DCC: variants seen among roughly 807,000 people sequenced by gnomAD.
DCC encodes DCC netrin 1 receptor.
A neutral mutation model predicts 172.5 loss-of-function variants in DCC; 58 were observed. The observed-to-expected ratio is 0.34, with a 90% CI of 0.27 to 0.42. The LOEUF (loss-of-function observed/expected upper bound fraction) is 0.42, where lower values mean the gene tolerates loss of function less well. DCC is among the 10% of genes least tolerant of loss of function. The pLI is 1.00. For missense variants in DCC, 1,740 were observed against 1,791.0 expected (o/e 0.97, Z 0.51); for synonymous variants, 709 against 644.5 (o/e 1.10, Z -1.52).
intron 2 of DCC, 41 bp from the exon 3 acceptor site, chr18:52,906,003 T>G: frequency 1.5e-6 from 2 of 1,333,712 alleles, no homozygotes; most frequent in Non-Finnish European, 2.2e-6. Flanking sequence ...TATTGTGCTT[T>G]ATTTGGAAGA....
At chr18:52,483,170 G>T (rs758640892) in intron 1 of DCC, among the ~76,000 whole-genome samples, 5 of 151,982 alleles carry the variant, frequency 3.3e-5, no homozygotes, top group African/African-American at 4.8e-5. Flanking sequence ...CCTCTAATAA[G>T]GATGTGTGTC....
intron 7 of DCC, among the ~76,000 whole-genome samples, chr18:53,074,557 A>G (rs889452678): frequency 1.1e-4 from 17 of 152,212 alleles, no homozygotes; most frequent in African/African-American, 3.6e-4. Flanking sequence ...ACATTTATTC[A>G]ATAAATTGTA....
intron 5 of DCC, among the ~76,000 whole-genome samples, chr18:52,964,332 A>T (rs1305394067): frequency 1.3e-5 from 2 of 152,194 alleles, no homozygotes; most frequent in Admixed American, 1.3e-4. Flanking sequence ...TCTAAAGACT[A>T]ACTTTTCAAA....
chr18:52,439,180 G>A (rs1048462179), intron 1 of DCC, among the ~76,000 whole-genome samples: 9 of 150,634 alleles, frequency 6.0e-5, no homozygotes, highest in African/African-American at 2.2e-4. Flanking sequence ...TGTTTTGTGT[G>A]TGTGTGTGTG....
intron 2 of DCC, among the ~76,000 whole-genome samples, chr18:52,795,957 G>A (rs2037867447): frequency 6.6e-6 from 1 of 151,274 alleles, no homozygotes; most frequent in African/African-American, 2.4e-5. Context: ...AATAAAACTT[G>A]TCTTATTCTA....
At chr18:53,167,113 C>T (rs968421999) in intron 8 of DCC, among the ~76,000 whole-genome samples, 1 of 152,150 alleles carries the variant, frequency 6.6e-6, no homozygotes, top group South Asian at 2.1e-4. Flanking sequence ...CTCTTCCTCC[C>T]TGAAGCAACT....
chr18:53,466,629 G>A lies in DCC; in HGVS notation c.3620-1265G>A, dbSNP rs184263749. The stretch of plus-strand genomic sequence containing the variant: ...CAACCTCCGCCTCCTGGGTTCAAGC[G>A]ATTCTTCTGCCTCAGCCTCCCAAGT... On this transcript the variant is annotated intron_variant, in intron 24 of 28. Transcript: ENST00000442544. Among the ~76,000 whole-genome samples the A allele has an allele frequency of 2.9e-4, 44 of 152,170 alleles. No homozygotes were observed. In the East Asian group the frequency reaches 6.2e-3, roughly 21 times the overall value.
intron 8 of DCC, among the ~76,000 whole-genome samples, chr18:53,164,341 G>T (rs1476859337): frequency 1.3e-5 from 2 of 152,100 alleles, no homozygotes; most frequent in East Asian, 3.8e-4. Context: ...AAACTCCTGG[G>T]CTCAATGGAT....
At chr18:52,412,096 T>C (rs1476138165) in intron 1 of DCC, among the ~76,000 whole-genome samples, 2 of 152,180 alleles carry the variant, frequency 1.3e-5, no homozygotes, top group East Asian at 3.9e-4. Context: ...ATAGCACTTA[T>C]ACTGCAATGT....
chr18:53,245,196 G>A (rs2056351325), intron 12 of DCC, among the ~76,000 whole-genome samples: 1 of 152,042 alleles, frequency 6.6e-6, no homozygotes, highest in South Asian at 2.1e-4. Context: ...GTTATGATTT[G>A]TTCAAATCTT....
At chr18:52,879,278 A>G (rs967737307) in intron 2 of DCC, among the ~76,000 whole-genome samples, 1 of 152,138 alleles carries the variant, frequency 6.6e-6, no homozygotes, top group African/African-American at 2.4e-5. Context: ...GGCTGTGTCT[A>G]CATGAAACCT....
chr18:53,502,646 T>G (rs1390841459), intron 27 of DCC, among the ~76,000 whole-genome samples: 2 of 152,216 alleles, frequency 1.3e-5, no homozygotes, highest in Non-Finnish European at 2.9e-5. Flanking sequence ...ATAATTTTAC[T>G]GTGGATTTCA....
intron 15 of DCC, among the ~76,000 whole-genome samples, chr18:53,358,530 C>CTCTT (rs74180418): frequency 7.3e-5 from 7 of 95,924 alleles, no homozygotes; most frequent in Admixed American, 1.3e-4. Context: ...TTCTCTCTCT[C>CTCTT]TTTTTTTTTT....
intron 1 of DCC, among the ~76,000 whole-genome samples, chr18:52,480,974 T>G (rs1454394437): frequency 6.6e-6 from 1 of 152,168 alleles, no homozygotes; most frequent in African/African-American, 2.4e-5. Flanking sequence ...TTTCAAACAT[T>G]TCTTTCACCA....
intron 2 of DCC, among the ~76,000 whole-genome samples, chr18:52,799,579 A>T (rs1016335272): frequency 1.3e-5 from 2 of 152,210 alleles, no homozygotes; most frequent in Non-Finnish European, 2.9e-5. Context: ...AATTTCAGCA[A>T]TTGTACCCAA....
chr18:52,758,229 A>C (rs939380882), intron 2 of DCC, among the ~76,000 whole-genome samples: 1 of 152,220 alleles, frequency 6.6e-6, no homozygotes. Flanking sequence ...TTTTTAAAAT[A>C]AGCTCATAAA....
intron 15 of DCC, among the ~76,000 whole-genome samples, chr18:53,382,105 C>CACACACACACCCCT (rs1555661810): frequency 1.9e-5 from 1 of 51,774 alleles, no homozygotes; most frequent in African/African-American, 4.3e-5. Context: ...CACACACACA[C>CACACACACACCCCT]CCCTACCTCC....
At position 52,382,757 on chromosome 18, in the gene DCC, A is replaced by C. The variant is rs187826115; in HGVS notation, c.91+41879A>C. On this transcript the variant is annotated intron_variant, in intron 1 of 28. Coordinates refer to ENST00000442544, the MANE Select transcript of DCC (RefSeq NM_005215.4). The stretch of plus-strand genomic sequence containing the variant: ...TGACTTTAATGGAGATGGGGAACAC[A>C]GGAGACAGAGTAAATTGAATGGGAA... Among the ~76,000 whole-genome samples, 142 of 152,236 alleles carry C rather than the reference A, an allele frequency of 9.3e-4. 2 individuals carry two copies. Among genetic ancestry groups the C allele is most frequent in the African/African-American group, 2.9e-3 (121 of 41,564 alleles).
At chr18:53,476,453 T>TA (rs1227716917) in intron 25 of DCC, among the ~76,000 whole-genome samples, 1 of 152,168 alleles carries the variant, frequency 6.6e-6, no homozygotes, top group Non-Finnish European at 1.5e-5. Flanking sequence ...TGATAGTGAA[T>TA]AAGTCTGACA....
Sources: gnomAD v4.1 joint callset for allele counts (sites outside exome capture counted in the v4.1 genomes callset) on GRCh38, gnomAD v4.1.1 for gene constraint, MANE v1.5 for transcripts, NCBI Gene and HGNC (gene_info 2026-07-23, HGNC 2026-07-21) for gene names.